Variants in GPC6 observed in about 807,000 individuals in gnomAD.
The protein encoded by GPC6 is glypican 6.
In GPC6, 14 loss-of-function variants were observed where a neutral mutation model predicts 55.2. The observed-to-expected ratio is 0.25, with a 90% CI of 0.17 to 0.40. GPC6 has a LOEUF of 0.40. Ranked by LOEUF, GPC6 falls within the 10% of genes least tolerant of loss-of-function variation. The pLI is 1.00. For missense variants in GPC6, 641 were observed against 708.5 expected (o/e 0.90, Z 1.08); for synonymous variants, 278 against 259.6 (o/e 1.07, Z -0.68).
At chr13:94,252,515 G>A (rs1046133549) in intron 4 of GPC6, among the ~76,000 whole-genome samples, 1 of 152,050 alleles carries the variant, frequency 6.6e-6, no homozygotes. Context: ...AGCTGTGTAT[G>A]TCGGATAATG....
chr13:93,268,684 A>T (rs187307153), intron 1 of GPC6, among the ~76,000 whole-genome samples: 1 of 152,310 alleles, frequency 6.6e-6, no homozygotes, highest in African/African-American at 2.4e-5. Flanking sequence ...AAGCACGTGC[A>T]TATGAGCTTC....
At chr13:94,064,971 A>G (rs1254115744) in intron 4 of GPC6, among the ~76,000 whole-genome samples, 1 of 152,174 alleles carries the variant, frequency 6.6e-6, no homozygotes, top group Non-Finnish European at 1.5e-5. Context: ...TGTAATATTT[A>G]AACATGGTTG....
chr13:94,241,668 A>G (rs1891057623), intron 4 of GPC6, among the ~76,000 whole-genome samples: 1 of 152,146 alleles, frequency 6.6e-6, no homozygotes, highest in Admixed American at 6.5e-5. Flanking sequence ...GGAGGGGGCT[A>G]GGTTGCCTTG....
At chr13:93,709,981 G>A (rs1882997252) in intron 2 of GPC6, among the ~76,000 whole-genome samples, 1 of 151,618 alleles carries the variant, frequency 6.6e-6, no homozygotes, top group Non-Finnish European at 1.5e-5. Flanking sequence ...ATATAAATAA[G>A]GTCCATCAAT....
At chr13:93,717,574 G>A (rs577242098) in intron 2 of GPC6, among the ~76,000 whole-genome samples, 1 of 151,482 alleles carries the variant, frequency 6.6e-6, no homozygotes, top group Non-Finnish European at 1.5e-5. Flanking sequence ...ACATGATGCT[G>A]ATTTCACTCA....
chr13:93,602,483 G>C (rs146059496), intron 2 of GPC6, among the ~76,000 whole-genome samples: 49 of 152,200 alleles, frequency 3.2e-4, no homozygotes, highest in African/African-American at 1.1e-3. Flanking sequence ...CCAGCTCCAG[G>C]GGGTGCTGTT....
At chr13:93,905,701 T>C (rs911606357) in intron 3 of GPC6, among the ~76,000 whole-genome samples, 1 of 152,226 alleles carries the variant, frequency 6.6e-6, no homozygotes, top group Non-Finnish European at 1.5e-5. Flanking sequence ...TTTCTCTCTT[T>C]GGGATTAGGT....
chr13:94,072,977 C>T (rs1053937527), intron 4 of GPC6, among the ~76,000 whole-genome samples: 2 of 152,026 alleles, frequency 1.3e-5, no homozygotes, highest in African/African-American at 4.8e-5. Context: ...GTGCAAGAGT[C>T]CTGAATTGAA....
chr13:93,668,880 A>C (rs756299501), intron 2 of GPC6, among the ~76,000 whole-genome samples: 1 of 152,226 alleles, frequency 6.6e-6, no homozygotes, highest in Non-Finnish European at 1.5e-5. Flanking sequence ...GCTTACCTGG[A>C]AACACTTAGA....
chr13:94,312,042 T>C (rs530239934), intron 6 of GPC6, among the ~76,000 whole-genome samples: 1 of 152,334 alleles, frequency 6.6e-6, no homozygotes, highest in East Asian at 1.9e-4. Context: ...ATCATGACCC[T>C]TGTAGCTTTC....
chr13:93,431,810 A>G (rs1205108190), intron 1 of GPC6, among the ~76,000 whole-genome samples: 1 of 152,186 alleles, frequency 6.6e-6, no homozygotes, highest in African/African-American at 2.4e-5. Flanking sequence ...TTATTAAACT[A>G]TTTATCCCAG....
chr13:93,959,581 A>C (rs552751481), intron 3 of GPC6, among the ~76,000 whole-genome samples: 1 of 152,298 alleles, frequency 6.6e-6, no homozygotes, highest in African/African-American at 2.4e-5. Context: ...ATCTGATCTA[A>C]TATTCAGAAA....
intron 1 of GPC6, among the ~76,000 whole-genome samples, chr13:93,233,888 T>C (rs896681719): frequency 5.9e-5 from 9 of 152,216 alleles, no homozygotes; most frequent in African/African-American, 2.2e-4. Flanking sequence ...CCCCTGCTTC[T>C]TGACCGTAAG....
At chr13:93,455,401 T>C (rs1317389197) in intron 1 of GPC6, among the ~76,000 whole-genome samples, 2 of 152,092 alleles carry the variant, frequency 1.3e-5, no homozygotes, top group African/African-American at 4.8e-5. Flanking sequence ...GTTGATGTTT[T>C]GATCAACTAA....
At chr13:93,328,320 T>C (rs1879725416) in intron 1 of GPC6, among the ~76,000 whole-genome samples, 1 of 152,114 alleles carries the variant, frequency 6.6e-6, no homozygotes, top group Non-Finnish European at 1.5e-5. Flanking sequence ...ACAAACAAAA[T>C]AATTAGCTAC....
intron 1 of GPC6, among the ~76,000 whole-genome samples, chr13:93,485,547 T>C (rs1879674878): frequency 6.6e-6 from 1 of 152,358 alleles, no homozygotes; most frequent in South Asian, 2.1e-4. Context: ...TGTACACTCC[T>C]TTAGTCCCCC....
chr13:93,961,360 C>A (rs117214356), intron 3 of GPC6, among the ~76,000 whole-genome samples: 1,861 of 152,306 alleles, frequency 0.012, 17 homozygotes, highest in Middle Eastern at 0.021. Flanking sequence ...GCATTTACCT[C>A]CAGCCAGGTG....
At chr13:93,746,410 T>A (rs1884402718) in intron 2 of GPC6, among the ~76,000 whole-genome samples, 1 of 152,150 alleles carries the variant, frequency 6.6e-6, no homozygotes, top group South Asian at 2.1e-4. Context: ...TTCAAGGCAT[T>A]CCCAGAACAT....
intron 4 of GPC6, among the ~76,000 whole-genome samples, chr13:94,054,119 A>G (rs1193315797): frequency 6.6e-6 from 1 of 152,180 alleles, no homozygotes; most frequent in Non-Finnish European, 1.5e-5. Flanking sequence ...GAGTCCGGAT[A>G]TAAGCTGTTC....
Sources: allele counts gnomAD v4.1 joint callset (sites outside exome capture counted in the v4.1 genomes callset), GRCh38; gene constraint gnomAD v4.1.1; transcripts MANE v1.5; gene names NCBI Gene and HGNC (gene_info 2026-07-23, HGNC 2026-07-21).